DNAH12: variants seen among roughly 807,000 people sequenced by gnomAD.
The protein encoded by DNAH12 is axonemal beta dynein heavy chain 12.
In DNAH12, 285 loss-of-function variants were observed where a neutral mutation model predicts 371.5. The ratio of observed to expected loss-of-function variants is 0.77; its 90% CI spans 0.70 to 0.85. The LOEUF is 0.85. DNAH12 is among the 40% of genes least tolerant of loss of function. DNAH12 has a pLI of 0.00. For synonymous variants in DNAH12, 1,200 were observed against 1,213.0 expected (o/e 0.99, Z 0.22); for missense variants, 3,611 against 3,689.4 (o/e 0.98, Z 0.55).
chr3:57,489,171 C>G (rs541657759), intron 12 of DNAH12, among the ~76,000 whole-genome samples: 1 of 152,136 alleles, frequency 6.6e-6, no homozygotes, highest in Admixed American at 6.5e-5. Context: ...CTCGGTGATA[C>G]AATAAGTAAA....
chr3:57,442,609 A>G (rs6799182), intron 29 of DNAH12, among the ~76,000 whole-genome samples: 63,774 of 152,040 alleles, frequency 0.42, 15,039 homozygotes, highest in South Asian at 0.57. Context: ...AGAACCCATT[A>G]AAAAGCAAGA....
Position 57,504,030 on chromosome 3 carries a change from C to G in DNAH12, c.1072G>C (p.Ala358Pro). 6.2e-7 allele frequency: 1 copy of G among 1,612,798 alleles called. No individual in the cohort carries two copies. The highest frequency in any genetic ancestry group is 2.2e-5 in the East Asian group (1 of 44,818). The change falls in exon 9 of 74, where the codon GCC becomes CCC. Residue 358 changes from alanine to proline, a missense_variant. This residue lies in a region of DNAH12 where 1,314 missense variants were observed against 1,398.7 expected (regional missense o/e 0.94). Transcript: ENST00000495027. ...DNVLSLVERI[A>P]EALQNVQTIP... The stretch of plus-strand genomic sequence containing the variant: ...AGATGTAATACCTGCAGAGCTTCGG[C>G]TATTCGTTCCACCAAACTCAAGACA...
In DNAH12 at chr3:57,340,301, AG is replaced by A. The variant is rs374307527; in HGVS notation, c.9675-5362del. Among the ~76,000 whole-genome samples, 94 of 152,140 alleles carry A rather than the reference AG, an allele frequency of 6.2e-4. No individual in the cohort carries two copies. The East Asian group carries it at 0.018, about 28-fold the overall frequency. On this transcript the variant is annotated intron_variant, in intron 60 of 73. Transcript: ENST00000495027. ...ACAAACCAAACTCAAAATTAGAAAA[AG>A]GAAAAAAAAATAAAAAGCAGAAATA... is the stretch of plus-strand genomic sequence containing the variant.
chr3:57,487,378 A>G (rs1333127384), intron 12 of DNAH12, among the ~76,000 whole-genome samples: 1 of 143,968 alleles, frequency 6.9e-6, no homozygotes, highest in African/African-American at 2.6e-5. Flanking sequence ...AGAAAGAAAA[A>G]AAAAAAGAAA....
At chr3:57,462,264 T>C (rs2066076417) in intron 18 of DNAH12, among the ~76,000 whole-genome samples, 1 of 129,566 alleles carries the variant, frequency 7.7e-6, no homozygotes, top group Non-Finnish European at 1.7e-5. Context: ...TTTTGTTTTG[T>C]TTTTGAGACA....
chr3:57,374,874 C>T (rs972794406), intron 55 of DNAH12, among the ~76,000 whole-genome samples: 7 of 151,960 alleles, frequency 4.6e-5, no homozygotes, highest in East Asian at 1.9e-4. Context: ...TAACCTATGG[C>T]GGGAAATAAT....
chr3:57,320,559 C>T (rs932065368), intron 65 of DNAH12, among the ~76,000 whole-genome samples: 2 of 152,138 alleles, frequency 1.3e-5, no homozygotes, highest in Non-Finnish European at 2.9e-5. Context: ...TTAGCCTTAT[C>T]GAAAGGCATT....
chr3:57,513,426 C>A (rs1325902521), intron 4 of DNAH12, among the ~76,000 whole-genome samples: 1 of 152,128 alleles, frequency 6.6e-6, no homozygotes, highest in African/African-American at 2.4e-5. Context: ...AGCAAACCAC[C>A]ATGGCACACG....
intron 25 of DNAH12, among the ~76,000 whole-genome samples, chr3:57,447,003 T>C (rs941905268): frequency 6.6e-6 from 1 of 152,148 alleles, no homozygotes; most frequent in Admixed American, 6.5e-5. Context: ...GTTGTGGAGA[T>C]GGTTGTGGAG....
At chr3:57,371,840 G>A (rs999674413) in intron 55 of DNAH12, among the ~76,000 whole-genome samples, 6 of 150,364 alleles carry the variant, frequency 4.0e-5, no homozygotes, top group Admixed American at 3.3e-4. Flanking sequence ...AGACTATGTA[G>A]GTCAGAAGCA....
At chr3:57,402,294 G>A in intron 43 of DNAH12, 1 of 884,378 alleles carries the variant, frequency 1.1e-6, no homozygotes, top group Middle Eastern at 2.7e-4. Context: ...AGTGAAAGAA[G>A]TCCAGCAATT....
chr3:57,415,624 C>A, intron 37 of DNAH12, 60 bp from the exon 38 acceptor site: 2 of 1,460,632 alleles, frequency 1.4e-6, no homozygotes, highest in Admixed American at 6.0e-5. Context: ...TACATTTCTA[C>A]TAAAGGAGGC....
In DNAH12 at chr3:57,433,494, A is replaced by G. The variant is rs2065016731; in HGVS notation, c.4853T>C (p.Ile1618Thr). 12 of 1,551,454 alleles carry G rather than the reference A, an allele frequency of 7.7e-6. No individual in the cohort carries two copies. Among genetic ancestry groups the G allele is most frequent in the Non-Finnish European group, 1.0e-5 (12 of 1,146,894 alleles). The change falls in exon 32 of 74, where the codon ATT becomes ACT. Residue 1618 changes from isoleucine (I) to threonine (T), a missense_variant. Ile to Thr is a moderately conservative substitution (Grantham distance 89). Around this residue, in one of 3 missense-constraint regions of DNAH12, gnomAD observed 2,266 missense variants for 2,236.9 expected, o/e 1.01. Transcript: ENST00000495027. ...AAATTCTCTAAAAGTGTTAGCCACAATACCATCAGTCCACTGAGGAGGAAA... is the reference window on the plus strand; with the variant it reads ...AAATTCTCTAAAAGTGTTAGCCACAGTACCATCAGTCCACTGAGGAGGAAA... ...DPVSHEWTDG[I>T]VANTFREFAL... is the part of the protein sequence containing the mutation.
At chr3:57,399,774 G>A (rs2063818801) in intron 43 of DNAH12, among the ~76,000 whole-genome samples, 3 of 152,214 alleles carry the variant, frequency 2.0e-5, no homozygotes, top group Admixed American at 2.0e-4. Flanking sequence ...TCGTGAGGAT[G>A]AAGACCTTTG....
At chr3:57,305,931 C>T (rs537754329) in intron 69 of DNAH12, among the ~76,000 whole-genome samples, 15 of 152,320 alleles carry the variant, frequency 9.8e-5, no homozygotes, top group Middle Eastern at 3.4e-3. Context: ...TCCTCCAGAA[C>T]CTCCTCCCCC....
At position 57,509,227 on chromosome 3, in the gene DNAH12, T is replaced by A; in HGVS notation, c.470-15A>T. Reference sequence around the variant, plus strand: ...AACGCTCTGCACTAAAATACATGGATATATTAATGCTTCTTGAAAATCTCT... The same window carrying A: ...AACGCTCTGCACTAAAATACATGGAAATATTAATGCTTCTTGAAAATCTCT... On this transcript the variant is annotated splice_polypyrimidine_tract_variant and intron_variant, in intron 5 of 73. Coordinates refer to ENST00000495027, the MANE Select transcript of DNAH12 (RefSeq NM_001366028.2). 2 of 1,604,166 alleles carry A rather than the reference T, an allele frequency of 1.2e-6. No homozygotes were observed. Among genetic ancestry groups the A allele is most frequent in the South Asian group, 2.2e-5 (2 of 89,156 alleles).
chr3:57,446,159 C>T lies in DNAH12; in HGVS notation c.4051G>A (p.Ala1351Thr), dbSNP rs771820707. The T allele has an allele frequency of 2.3e-5, 36 of 1,551,692 alleles. No individual in the cohort carries two copies. Among genetic ancestry groups the T allele is most frequent in the Non-Finnish European group, 3.1e-5 (36 of 1,146,998 alleles). ...VAQQILCIQR[A>T]IQQKLVVFVF... Reference sequence around the variant, plus strand: ...AACACAACCAACTTCTGTTGAATAGCTCTCTGAATGCAAAGGATCTGTTGA... The same window carrying T: ...AACACAACCAACTTCTGTTGAATAGTTCTCTGAATGCAAAGGATCTGTTGA... Residue 1351 changes from alanine (A) to threonine (T), a missense_variant, in exon 27 of 74, where the codon GCT becomes ACT. Ala to Thr is a moderately conservative substitution (Grantham distance 58, BLOSUM62 0). Coordinates refer to ENST00000495027, the MANE Select transcript of DNAH12 (RefSeq NM_001366028.2).
At chr3:57,353,958 G>C (rs1340760737) in intron 59 of DNAH12, among the ~76,000 whole-genome samples, 3 of 152,206 alleles carry the variant, frequency 2.0e-5, no homozygotes, top group Non-Finnish European at 4.4e-5. Flanking sequence ...GTGGAAAGCA[G>C]TTTGGAGATT....
intron 71 of DNAH12, 122 bp from the exon 72 acceptor site, chr3:57,296,557 C>G (rs940184388): frequency 6.1e-6 from 5 of 814,256 alleles, no homozygotes; most frequent in Middle Eastern, 5.8e-4. Context: ...GCTTGTTAAA[C>G]TATACATTTT....
Sources: gnomAD v4.1 joint callset for allele counts (sites outside exome capture counted in the v4.1 genomes callset) on GRCh38, gnomAD v4.1.1 for gene constraint, gnomAD v4.1.1 regional missense constraint, MANE v1.5 for transcripts, NCBI Gene and HGNC (gene_info 2026-07-23, HGNC 2026-07-21) for gene names.